PCYOX1L: variants seen among roughly 807,000 people sequenced by gnomAD.
PCYOX1L encodes the protein prenylcysteine oxidase 1-like.
Under a neutral mutation model 44.1 loss-of-function variants are expected in PCYOX1L, and 40 were observed. The ratio of observed to expected loss-of-function variants is 0.91; its 90% CI spans 0.70 to 1.18. The LOEUF is 1.18. PCYOX1L is among the 50% of genes most tolerant of loss of function. The pLI is 0.00. For missense variants in PCYOX1L, 605 were observed against 653.3 expected (o/e 0.93, Z 0.81); for synonymous variants, 266 against 282.8 (o/e 0.94, Z 0.60).
chr5:149,363,271 G>A (rs1221895186), intron 2 of PCYOX1L: 7 of 355,180 alleles, frequency 2.0e-5, no homozygotes, highest in African/African-American at 4.3e-5. Flanking sequence ...CCATTACAGC[G>A]AGAGGTGGGA....
chr5:149,365,745 C>T (rs1367380084), intron 3 of PCYOX1L, 197 bp from the exon 4 acceptor site: 2 of 604,404 alleles, frequency 3.3e-6, no homozygotes, highest in Non-Finnish European at 5.9e-6. Flanking sequence ...TCCATACCTT[C>T]ACACTCCCTT....
At chr5:149,364,385 C>A in intron 3 of PCYOX1L, 175 bp downstream of exon 3, 1 of 671,858 alleles carries the variant, frequency 1.5e-6, no homozygotes, top group Non-Finnish European at 2.5e-6. Context: ...GTATTTGGTC[C>A]AGTAATGGTC....
rs1758185875 is a variant in PCYOX1L at position 149,366,059 on chromosome 5, G to T, written c.588G>T (p.Leu196=). Residue 196 remains leucine, a synonymous_variant, in exon 4 of 6, where the codon CTG becomes CTT. Transcript: ENST00000274569. ...AGCACTCTGTGGCTGAGTCCCTGCT[G>T]CAGGTGGGCGTCACGCAGCGCTTTA... is the stretch of plus-strand genomic sequence containing the variant. ...MTQHSVAESL[L]QVGVTQRFID... 1 of 1,614,232 alleles carries T rather than the reference G, an allele frequency of 6.2e-7. No homozygotes were observed. The highest frequency in any genetic ancestry group is 1.7e-4 in the Middle Eastern group (1 of 6,058).
rs1205120242 is a variant in PCYOX1L at position 149,366,152 on chromosome 5, AG to A, written c.682+1del. ...AGTCAGCAGCGATGCCCGCCTTTGC[AG>A]GTAAGCGTCCAACCCTTGGCCTGCC... ...GQSAAMPAFA[G>X]AMSLAGAQGS... On this transcript the variant is annotated frameshift_variant and splice_region_variant, in exon 4 of 6. Transcript: ENST00000274569. LOFTEE classifies it high-confidence loss of function. 6.2e-7 allele frequency: 1 copy of A among 1,610,546 alleles called. No individual in the cohort carries two copies. The highest frequency in any genetic ancestry group is 8.5e-7 in the Non-Finnish European group (1 of 1,179,954).
intron 2 of PCYOX1L, 187 bp from the exon 3 acceptor site, chr5:149,363,849 C>T: frequency 3.3e-6 from 2 of 611,590 alleles, no homozygotes; most frequent in Non-Finnish European, 5.3e-6. Context: ...ACATTATTTT[C>T]ATTTTCATTT....
At chr5:149,361,461 G>A (rs763825307) in intron 1 of PCYOX1L, among the ~76,000 whole-genome samples, 5 of 152,196 alleles carry the variant, frequency 3.3e-5, no homozygotes, top group African/African-American at 1.2e-4. Flanking sequence ...CAGTGACTTC[G>A]ATGAGAATAG....
Position 149,368,198 on chromosome 5 carries a change from G to A in PCYOX1L, c.1029G>A (p.Ser343=), listed in dbSNP as rs780739338. 72 of 1,613,986 alleles carry A rather than the reference G, an allele frequency of 4.5e-5. No individual in the cohort carries two copies. Among genetic ancestry groups the A allele is most frequent in the East Asian group, 1.3e-4 (6 of 44,862 alleles). Residue 343 remains serine (S), a synonymous_variant, in exon 6 of 6, where the codon TCG becomes TCA. Transcript: ENST00000274569. The part of the protein sequence containing the change: ...VVSLVHGYLN[S]SYFGFPDPKL... ...CCTTGGTCCACGGCTACCTCAACTC[G>A]TCCTACTTCGGTTTCCCAGACCCTA...
In PCYOX1L at chr5:149,362,621, C is replaced by T. The variant is rs1396468516; in HGVS notation, c.89-16C>T. 1.8e-5 allele frequency: 29 copies of T among 1,613,590 alleles called. No individual in the cohort carries two copies. The highest frequency in any genetic ancestry group is 2.4e-5 in the Non-Finnish European group (28 of 1,179,994). ...TTCTGTCTCTCTTCTTCCCTACCTC[C>T]CGGGCCTGCTGACAGCGGTGGTTGG... On this transcript the variant is annotated splice_polypyrimidine_tract_variant and intron_variant, in intron 1 of 5. Transcript: ENST00000274569.
At chr5:149,362,584 C>T (rs767668370) in intron 1 of PCYOX1L, 53 bp from the exon 2 acceptor site, 97 of 1,590,606 alleles carry the variant, frequency 6.1e-5, no homozygotes, top group Non-Finnish European at 8.2e-5. Flanking sequence ...ACTACAGCCT[C>T]TCACTCTCAT....
chr5:149,369,595 T>C lies in PCYOX1L; in HGVS notation c.*941T>C, dbSNP rs1415141175. On this transcript the variant is annotated 3_prime_UTR_variant, in exon 6 of 6. Transcript: ENST00000274569. ...GGAGAATTATGCTTTTCTTTGCTTT[T>C]TCTACAAACCCTTAAAAATCACTTG... The C allele has an allele frequency of 6.6e-6, 1 of 152,242 alleles. No individual in the cohort carries two copies. Among genetic ancestry groups the C allele is most frequent in the Non-Finnish European group, 1.5e-5 (1 of 68,040 alleles). The allele number at this position is 152,242 out of a possible 1,614,324, so 9.4% of individuals were successfully genotyped here.
In PCYOX1L at chr5:149,358,207, A is replaced by G. The variant is rs546734417; in HGVS notation, c.88+51A>G. ...CCAGCTGGGGAGGGCCGGCGGGTAA[A>G]GGGTTCTCAGTTCTCAGCTAGGTGG... On this transcript the variant is annotated intron_variant, in intron 1 of 5. Coordinates refer to ENST00000274569, the MANE Select transcript of PCYOX1L (RefSeq NM_024028.4). 2,071 of 1,386,928 alleles carry G rather than the reference A, an allele frequency of 1.5e-3. 8 individuals are homozygous for G. Among genetic ancestry groups the G allele is most frequent in the Non-Finnish European group, 1.7e-3 (1,794 of 1,067,206 alleles). The allele number at this position is 1,386,928 out of a possible 1,614,324, so 85.9% of individuals were successfully genotyped here. A position where few individuals can be genotyped will look rare whatever the true frequency, so the allele number is the denominator to read the frequency against.
intron 3 of PCYOX1L, chr5:149,364,794 C>A (rs1000964716): frequency 2.0e-5 from 3 of 152,784 alleles, no homozygotes; most frequent in African/African-American, 7.2e-5. Flanking sequence ...ATTTTTCCAT[C>A]TAGAATAAAC....
In PCYOX1L at chr5:149,368,288, C is replaced by T. The variant is rs1385918491; in HGVS notation, c.1119C>T (p.Asn373=). Reference sequence around the variant, plus strand: ...CCAGCTTCTTCTGCACTCTGGACAACATCTGCCCTGTCAACATCTCTGCCA... The same window carrying T: ...CCAGCTTCTTCTGCACTCTGGACAATATCTGCCCTGTCAACATCTCTGCCA... ...DFPSFFCTLD[N]ICPVNISASF... Residue 373 remains asparagine (N), a synonymous_variant, in exon 6 of 6, where the codon AAC becomes AAT. Transcript: ENST00000274569. 1.9e-6 allele frequency: 3 copies of T among 1,614,228 alleles called. No homozygotes were observed. The highest frequency in any genetic ancestry group is 1.7e-5 in the Admixed American group (1 of 60,028).
chr5:149,359,241 C>G (rs1757940103), intron 1 of PCYOX1L, among the ~76,000 whole-genome samples: 1 of 152,208 alleles, frequency 6.6e-6, no homozygotes, highest in Non-Finnish European at 1.5e-5. Flanking sequence ...CCTGGAACAT[C>G]TGATAGAAGC....
intron 1 of PCYOX1L, chr5:149,362,270 A>G (rs1186444608): frequency 6.9e-6 from 2 of 289,430 alleles, no homozygotes; most frequent in East Asian, 8.2e-5. Context: ...AGAACTGGTC[A>G]GTAACTTTTA....
intron 4 of PCYOX1L, 117 bp downstream of exon 4, chr5:149,366,270 C>A: frequency 9.6e-7 from 1 of 1,036,764 alleles, no homozygotes; most frequent in Non-Finnish European, 1.4e-6. Context: ...GTCACATAGG[C>A]ACTCTGCTGC....
intron 5 of PCYOX1L, 32 bp downstream of exon 5, chr5:149,367,532 G>T: frequency 6.2e-7 from 1 of 1,606,426 alleles, no homozygotes; most frequent in Non-Finnish European, 8.5e-7. Flanking sequence ...GGGCAGGCAT[G>T]CCATTCCCAG....
At chr5:149,358,961 A>G (rs563796249) in intron 1 of PCYOX1L, among the ~76,000 whole-genome samples, 1 of 152,336 alleles carries the variant, frequency 6.6e-6, no homozygotes, top group African/African-American at 2.4e-5. Flanking sequence ...TCCAGCCTAC[A>G]TTTTGATGCA....
Position 149,366,210 on chromosome 5 carries a change from A to G in PCYOX1L, c.682+57A>G, listed in dbSNP as rs1034939213. 3.2e-6 allele frequency: 5 copies of G among 1,569,340 alleles called. No individual in the cohort carries two copies. The African/African-American group carries it at 5.4e-5, about 17-fold the overall frequency. Reference sequence around the variant, plus strand: ...CCCCTCCTCCACCCAAGGTGCTCAGAATGGGCTGGGGGTCCCCATAATAAC... The same window carrying G: ...CCCCTCCTCCACCCAAGGTGCTCAGGATGGGCTGGGGGTCCCCATAATAAC... On this transcript the variant is annotated intron_variant, in intron 4 of 5. Coordinates refer to ENST00000274569, the MANE Select transcript of PCYOX1L (RefSeq NM_024028.4).
Sources: gnomAD v4.1 joint callset for allele counts (sites outside exome capture counted in the v4.1 genomes callset) on GRCh38, gnomAD v4.1.1 for gene constraint, MANE v1.5 for transcripts, NCBI Gene and HGNC (gene_info 2026-07-23, HGNC 2026-07-21) for gene names.